TLE1: variants seen among roughly 807,000 people sequenced by gnomAD.
TLE1 encodes TLE family member 1, transcriptional corepressor.
In TLE1, 21 loss-of-function variants were observed where a neutral mutation model predicts 89.8. The observed-to-expected ratio is 0.23, with a 90% CI of 0.17 to 0.34. TLE1 has a LOEUF of 0.34. Ranked by LOEUF, TLE1 falls within the 10% of genes least tolerant of loss-of-function variation. The pLI is 1.00. For synonymous variants in TLE1, 447 were observed against 407.6 expected, an observed-to-expected ratio of 1.10 and a Z score of -1.16; for missense variants, 795 against 1,031.2, an observed-to-expected ratio of 0.77 and a Z score of 3.14.
rs140350347 is a variant in TLE1, at chr9:81,651,368, G to A, written c.372+846C>T. Among the ~76,000 whole-genome samples, 78 of 152,218 alleles carry A rather than the reference G, an allele frequency of 5.1e-4. 1 individual carries two copies. Among genetic ancestry groups the A allele is most frequent in the African/African-American group, 1.8e-3 (76 of 41,534 alleles). The stretch of plus-strand genomic sequence containing the variant: ...GGGGCGGAGGATGAACTCATGCAGG[G>A]GATGGAATGCACGGTTCACCAGATT... On this transcript the variant is annotated intron_variant, in intron 6 of 19. Coordinates refer to ENST00000376499, the MANE Select transcript of TLE1 (RefSeq NM_005077.5).
chr9:81,622,035 T>C (rs1825330369), intron 8 of TLE1, among the ~76,000 whole-genome samples: 1 of 152,116 alleles, frequency 6.6e-6, no homozygotes, highest in Admixed American at 6.5e-5. Context: ...CCCGAACTAA[T>C]TACCTAGATA....
intron 9 of TLE1, among the ~76,000 whole-genome samples, chr9:81,619,479 G>A (rs1824965309): frequency 6.6e-6 from 1 of 152,174 alleles, no homozygotes; most frequent in Admixed American, 6.5e-5. Context: ...AACTCCAGGT[G>A]GCACTCAAAA....
At chr9:81,615,399 C>T (rs1485325496) in intron 11 of TLE1, among the ~76,000 whole-genome samples, 1 of 151,100 alleles carries the variant, frequency 6.6e-6, no homozygotes, top group African/African-American at 2.4e-5. Context: ...AGCTGTGTGG[C>T]AAGAACATAT....
Position 81,688,410 on chromosome 9 carries a change from T to C in TLE1, c.-170A>G, listed in dbSNP as rs547085283. 1 of 669,546 alleles carries C rather than the reference T, an allele frequency of 1.5e-6. No homozygotes were observed. Among genetic ancestry groups the C allele is most frequent in the Non-Finnish European group, 2.3e-6 (1 of 435,146 alleles). The allele number at this position is 669,546 out of a possible 1,614,324, so 41.5% of individuals were successfully genotyped here. A position where few individuals can be genotyped will look rare whatever the true frequency, so the allele number is the denominator to read the frequency against. ...GCACCGGCCACTCGGCGCCCGCAGC[T>C]GCTCCGGCTCCCGCTCCCGTCGGTG... is the stretch of plus-strand genomic sequence containing the variant. On this transcript the variant is annotated 5_prime_UTR_variant, in exon 1 of 20. Coordinates refer to ENST00000376499, the MANE Select transcript of TLE1 (RefSeq NM_005077.5).
At chr9:81,632,258 A>G (rs2132332615) in intron 8 of TLE1, among the ~76,000 whole-genome samples, 1 of 152,238 alleles carries the variant, frequency 6.6e-6, no homozygotes, top group South Asian at 2.1e-4. Context: ...AGAGAAATTT[A>G]TAGGACAAGA....
intron 4 of TLE1, among the ~76,000 whole-genome samples, chr9:81,668,553 C>T (rs1831800732): frequency 6.6e-6 from 1 of 152,070 alleles, no homozygotes; most frequent in Admixed American, 6.6e-5. Flanking sequence ...ATTATACAAT[C>T]CACAGAGGAA....
chr9:81,670,904 CA>C (rs912968950), intron 4 of TLE1, among the ~76,000 whole-genome samples: 4 of 151,998 alleles, frequency 2.6e-5, no homozygotes, highest in Non-Finnish European at 5.9e-5. Context: ...TGCCGTGGCT[CA>C]TGCTGTTAAT....
intron 4 of TLE1, among the ~76,000 whole-genome samples, chr9:81,663,352 A>ATT (rs1831057004): frequency 5.3e-5 from 8 of 151,836 alleles, no homozygotes; most frequent in Non-Finnish European, 1.2e-4. Context: ...ATAGAGCAAG[A>ATT]AGCCACATAT....
intron 8 of TLE1, among the ~76,000 whole-genome samples, chr9:81,630,539 A>T (rs887436947): frequency 6.6e-6 from 1 of 152,220 alleles, no homozygotes; most frequent in African/African-American, 2.4e-5. Context: ...CCTAGTAAAT[A>T]TCAAAATATA....
At chr9:81,643,312 C>T (rs1284439345) in intron 6 of TLE1, among the ~76,000 whole-genome samples, 3 of 152,036 alleles carry the variant, frequency 2.0e-5, no homozygotes, top group South Asian at 2.1e-4. Flanking sequence ...TCTCGGCTCA[C>T]GGCAACCTCC....
chr9:81,667,726 A>G (rs1280610702), intron 4 of TLE1, among the ~76,000 whole-genome samples: 9 of 151,544 alleles, frequency 5.9e-5, no homozygotes, highest in African/African-American at 2.2e-4. Flanking sequence ...CTCCCCCCCA[A>G]GCTGAGTGGC....
At chr9:81,688,196 C>A in intron 1 of TLE1, 21 bp downstream of exon 1, 1 of 1,599,708 alleles carries the variant, frequency 6.3e-7, no homozygotes, top group African/African-American at 1.4e-5. Flanking sequence ...GGCCCCCCAC[C>A]ACCACCCAGC....
At chr9:81,617,547 C>T (rs1358760858) in intron 9 of TLE1, among the ~76,000 whole-genome samples, 1 of 151,732 alleles carries the variant, frequency 6.6e-6, no homozygotes, top group African/African-American at 2.4e-5. Context: ...ACTAAAAATA[C>T]AAAAATTAGC....
At chr9:81,672,507 A>C (rs1832356646) in intron 4 of TLE1, among the ~76,000 whole-genome samples, 1 of 150,676 alleles carries the variant, frequency 6.6e-6, no homozygotes, top group Non-Finnish European at 1.5e-5. Context: ...CATCAGCAGC[A>C]GCTGTGAACC....
intron 7 of TLE1, 159 bp from the exon 8 acceptor site, chr9:81,633,523 G>GT (rs1416602749): frequency 1.1e-6 from 1 of 876,548 alleles, no homozygotes; most frequent in Non-Finnish European, 1.7e-6. Context: ...CTAATACAGT[G>GT]ATTTCCTGAA....
chr9:81,625,454 C>T (rs1282337765), intron 8 of TLE1, among the ~76,000 whole-genome samples: 1 of 152,168 alleles, frequency 6.6e-6, no homozygotes, highest in East Asian at 1.9e-4. Context: ...AAACACACAG[C>T]AGGATCTTTC....
intron 16 of TLE1, 99 bp from the exon 17 acceptor site, chr9:81,587,927 T>TCATCCCGC (rs60109467): frequency 5.5e-6 from 5 of 910,498 alleles, no homozygotes; most frequent in Non-Finnish European, 7.4e-6. Context: ...TGTGTGTGTG[T>TCATCCCGC]GTGTGTGTGT....
chr9:81,678,631 A>G (rs894167212), intron 4 of TLE1, among the ~76,000 whole-genome samples: 1 of 152,108 alleles, frequency 6.6e-6, no homozygotes, highest in African/African-American at 2.4e-5. Flanking sequence ...CCTGGCCAAC[A>G]TGGCAAAACT....
intron 8 of TLE1, among the ~76,000 whole-genome samples, chr9:81,631,877 C>G (rs184755514): frequency 6.6e-6 from 1 of 152,156 alleles, no homozygotes. Context: ...CTGAGGCAGG[C>G]GGATCACCTG....
Sources: gnomAD v4.1 joint callset for allele counts (sites outside exome capture counted in the v4.1 genomes callset) on GRCh38, gnomAD v4.1.1 for gene constraint, MANE v1.5 for transcripts, NCBI Gene and HGNC (gene_info 2026-07-23, HGNC 2026-07-21) for gene names.